Variants in FSIP1 observed in about 807,000 individuals in gnomAD.
FSIP1 encodes fibrous sheath-interacting protein 1.
Under a neutral mutation model 60.9 loss-of-function variants are expected in FSIP1, and 65 were observed. That is an observed-to-expected ratio of 1.07 (90% CI 0.87 to 1.31). FSIP1 has a LOEUF of 1.31. Among genes scored for constraint, FSIP1 ranks in the 40% most tolerant of loss-of-function variants. The probability of loss-of-function intolerance (pLI) is 0.00; values close to 1 mark genes in which losing one functional copy is unlikely to be tolerated. For synonymous variants in FSIP1, 209 were observed against 221.2 expected (o/e 0.94, Z 0.49); for missense variants, 675 against 665.5 (o/e 1.01, Z -0.16).
rs879375847 is a variant in FSIP1 at position 39,623,017 on chromosome 15, T to TA, written c.1189-4773dup. On this transcript the variant is annotated intron_variant, in intron 10 of 11. Coordinates refer to ENST00000350221, the MANE Select transcript of FSIP1 (RefSeq NM_152597.5). Reference sequence around the variant, plus strand: ...TATAGTGCCCTCTCTTTTAGCTCATTAAAAAAAAAAACCCAGCCACAGCTC... The same window carrying TA: ...TATAGTGCCCTCTCTTTTAGCTCATTAAAAAAAAAAAACCCAGCCACAGCTC... Among the ~76,000 whole-genome samples the TA allele has an allele frequency of 1.1e-3, 161 of 145,798 alleles. 1 individual carries two copies. The highest frequency in any genetic ancestry group is 2.8e-3 in the East Asian group (14 of 5,062).
intron 5 of FSIP1, among the ~76,000 whole-genome samples, chr15:39,757,928 A>G (rs1382146553): frequency 6.6e-6 from 1 of 152,156 alleles, no homozygotes; most frequent in Non-Finnish European, 1.5e-5. Context: ...CCAATACATA[A>G]TAACTAAGAA....
chr15:39,694,466 T>A (rs1182437206), intron 10 of FSIP1, among the ~76,000 whole-genome samples: 1 of 152,236 alleles, frequency 6.6e-6, no homozygotes, highest in African/African-American at 2.4e-5. Flanking sequence ...TGTAAGTTCA[T>A]GACTTTATAC....
At chr15:39,685,835 C>T (rs1020579419) in intron 10 of FSIP1, among the ~76,000 whole-genome samples, 3 of 152,162 alleles carry the variant, frequency 2.0e-5, no homozygotes, top group African/African-American at 7.2e-5. Flanking sequence ...CTGGCCATCA[C>T]CCAGGCTTTA....
chr15:39,664,678 C>G (rs925131040), intron 10 of FSIP1, among the ~76,000 whole-genome samples: 1 of 152,130 alleles, frequency 6.6e-6, no homozygotes, highest in African/African-American at 2.4e-5. Context: ...TAAGAGCTCC[C>G]CCAATCCCCA....
At chr15:39,697,264 C>CA (rs960575412) in intron 10 of FSIP1, among the ~76,000 whole-genome samples, 29 of 152,046 alleles carry the variant, frequency 1.9e-4, no homozygotes, top group African/African-American at 7.0e-4. Context: ...AAAACAAAAA[C>CA]AAAAAAACCT....
In FSIP1 at chr15:39,735,398, T is replaced by A. The variant is rs577150946; in HGVS notation, c.891+2693A>T. Among the ~76,000 whole-genome samples the A allele has an allele frequency of 2.0e-5, 3 of 152,306 alleles. No individual in the cohort carries two copies. In the South Asian group the frequency reaches 6.2e-4, roughly 32 times the overall value. On this transcript the variant is annotated intron_variant, in intron 8 of 11. Coordinates refer to ENST00000350221, the MANE Select transcript of FSIP1 (RefSeq NM_152597.5). ...TGATTGTTAACACAATAGGAAGTAT[T>A]TGTGAATCTAAACATATTACAACAT...
intron 10 of FSIP1, among the ~76,000 whole-genome samples, chr15:39,660,019 T>C (rs941887435): frequency 7.9e-5 from 12 of 152,144 alleles, no homozygotes; most frequent in Non-Finnish European, 1.8e-4. Context: ...ACAAAACCAG[T>C]ACCCATCCAT....
chr15:39,648,453 G>C (rs1009154440), intron 10 of FSIP1, among the ~76,000 whole-genome samples: 1 of 152,174 alleles, frequency 6.6e-6, no homozygotes, highest in Admixed American at 6.5e-5. Context: ...CATACGCATC[G>C]TAAGTTCTTA....
intron 11 of FSIP1, among the ~76,000 whole-genome samples, chr15:39,615,259 T>C (rs1349577865): frequency 6.6e-6 from 1 of 151,604 alleles, no homozygotes; most frequent in Non-Finnish European, 1.5e-5. Flanking sequence ...AATAGACAAA[T>C]GTGATTATAT....
At chr15:39,710,230 C>CCCAGCACTCCAGGAGGCCAAGG (rs1453819961) in intron 10 of FSIP1, among the ~76,000 whole-genome samples, 1 of 152,034 alleles carries the variant, frequency 6.6e-6, no homozygotes, top group Non-Finnish European at 1.5e-5. Flanking sequence ...AGCCTGTAAT[C>CCCAGCACTCCAGGAGGCCAAGG]CCAGCACTCC....
rs187368155 is a variant in FSIP1 at position 39,712,126 on chromosome 15, G to A, written c.1188+1318C>T. 1.5e-3 allele frequency among the ~76,000 whole-genome samples: 222 copies of A among 152,242 alleles called. 2 individuals carry two copies. The highest frequency in any genetic ancestry group is 0.013 in the Admixed American group (206 of 15,298). ...TAAAAATGAGCTATAAAAAAAGCACGATGTATTCATTCCCTTTAGATCTGC... is the reference window on the plus strand; with the variant it reads ...TAAAAATGAGCTATAAAAAAAGCACAATGTATTCATTCCCTTTAGATCTGC... On this transcript the variant is annotated intron_variant, in intron 10 of 11. Transcript: ENST00000350221.
intron 10 of FSIP1, among the ~76,000 whole-genome samples, chr15:39,691,495 C>G (rs891866535): frequency 2.0e-5 from 3 of 152,226 alleles, no homozygotes; most frequent in Non-Finnish European, 4.4e-5. Context: ...CACCTCTGGA[C>G]AGTGTACAGT....
At position 39,727,039 on chromosome 15, in the gene FSIP1, A is replaced by T. The variant is rs181799727; in HGVS notation, c.892-292T>A. Among the ~76,000 whole-genome samples the T allele has an allele frequency of 1.2e-3, 183 of 152,306 alleles. 3 individuals carry two copies. The highest frequency in any genetic ancestry group is 6.6e-4 in the Non-Finnish European group (45 of 68,016). ...ACAGTCTGGTTCTCATGACATTCTC[A>T]TTTATCTACATTCAAAAAATGTTTT... is the stretch of plus-strand genomic sequence containing the variant. On this transcript the variant is annotated intron_variant, in intron 8 of 11. Coordinates refer to ENST00000350221, the MANE Select transcript of FSIP1 (RefSeq NM_152597.5).
chr15:39,605,036 A>G (rs963632546), intron 11 of FSIP1, among the ~76,000 whole-genome samples: 1 of 152,228 alleles, frequency 6.6e-6, no homozygotes, highest in Non-Finnish European at 1.5e-5. Flanking sequence ...CACCCTTACC[A>G]AAAGTCAATC....
intron 1 of FSIP1, among the ~76,000 whole-genome samples, chr15:39,780,308 G>C (rs1416981823): frequency 1.3e-5 from 2 of 152,158 alleles, no homozygotes; most frequent in Non-Finnish European, 2.9e-5. Context: ...CAGATCACGA[G>C]GTCAGGAGGA....
chr15:39,597,555 TAC>T (rs1196350019), downstream of FSIP1: 3 of 152,194 alleles, frequency 2.0e-5, no homozygotes, highest in Non-Finnish European at 4.4e-5. Context: ...ATATAGCATA[TAC>T]AAAAATAAAT....
intron 10 of FSIP1, among the ~76,000 whole-genome samples, chr15:39,667,513 C>T (rs866996247): frequency 6.6e-6 from 1 of 152,144 alleles, no homozygotes; most frequent in Non-Finnish European, 1.5e-5. Context: ...CTTATCAGAT[C>T]CCTACTCTGT....
At chr15:39,659,541 CAA>C (rs911774566) in intron 10 of FSIP1, among the ~76,000 whole-genome samples, 23 of 61,784 alleles carry the variant, frequency 3.7e-4, no homozygotes, top group African/African-American at 1.1e-3. Context: ...GACTCCTCCT[CAA>C]AAAAAAAAAA....
At chr15:39,693,760 T>C (rs1410104623) in intron 10 of FSIP1, among the ~76,000 whole-genome samples, 2 of 152,170 alleles carry the variant, frequency 1.3e-5, no homozygotes, top group Non-Finnish European at 2.9e-5. Flanking sequence ...GCTGTGTGTG[T>C]TTAAAGAACT....
Sources: gnomAD v4.1 joint callset for allele counts (sites outside exome capture counted in the v4.1 genomes callset) on GRCh38, gnomAD v4.1.1 for gene constraint, MANE v1.5 for transcripts, NCBI Gene and HGNC (gene_info 2026-07-23, HGNC 2026-07-21) for gene names.